Variants in FBN2 observed in about 807,000 individuals in gnomAD.
FBN2 encodes fibrillin 2.
A neutral mutation model predicts 355.6 loss-of-function variants in FBN2; 105 were observed. That is an observed-to-expected ratio of 0.30 (90% confidence interval 0.25 to 0.35). The LOEUF is 0.35. FBN2 is among the 10% of genes least tolerant of loss of function. The pLI, the probability that FBN2 is intolerant of heterozygous loss-of-function variation, is 1.00. For synonymous variants in FBN2, 1,350 were observed against 1,301.2 expected, an observed-to-expected ratio of 1.04 and a Z score of -0.81; for missense variants, 3,280 against 3,758.7, an observed-to-expected ratio of 0.87 and a Z score of 3.33.
chr5:128,308,105 C>T (rs931390625), intron 41 of FBN2, among the ~76,000 whole-genome samples: 6 of 151,958 alleles, frequency 3.9e-5, no homozygotes, highest in Non-Finnish European at 8.8e-5. Flanking sequence ...ATTTATTATT[C>T]CTATTTTATA....
intron 26 of FBN2, 86 bp downstream of exon 26, chr5:128,338,847 G>T: frequency 1.4e-6 from 2 of 1,435,836 alleles, no homozygotes; most frequent in Non-Finnish European, 9.8e-7. Context: ...GCCGTTCACA[G>T]CCCAGAGATA....
chr5:128,500,252 AC>A (rs1755770000), intron 5 of FBN2, among the ~76,000 whole-genome samples: 1 of 151,720 alleles, frequency 6.6e-6, no homozygotes, highest in South Asian at 2.1e-4. Context: ...AACAACAACA[AC>A]AACAACAAAG....
chr5:128,380,089 A>G (rs1220477334), intron 11 of FBN2, among the ~76,000 whole-genome samples: 2 of 152,036 alleles, frequency 1.3e-5, no homozygotes, highest in East Asian at 1.9e-4. Context: ...GAATAACAGG[A>G]CTAAATCCTT....
chr5:128,478,614 A>T (rs894353542), intron 5 of FBN2, among the ~76,000 whole-genome samples: 4 of 152,234 alleles, frequency 2.6e-5, no homozygotes, highest in African/African-American at 9.6e-5. Flanking sequence ...ACAACTGATG[A>T]ATCTGATATG....
At chr5:128,296,785 C>A (rs1308912553) in intron 48 of FBN2, among the ~76,000 whole-genome samples, 3 of 152,084 alleles carry the variant, frequency 2.0e-5, no homozygotes, top group Non-Finnish European at 4.4e-5. Flanking sequence ...TTTCAAAAAA[C>A]CAGCTCCTGG....
chr5:128,266,715 T>C (rs1490170413), intron 62 of FBN2, among the ~76,000 whole-genome samples: 1 of 152,128 alleles, frequency 6.6e-6, no homozygotes, highest in Non-Finnish European at 1.5e-5. Context: ...TGATAGAGAA[T>C]CATTCTTTTG....
intron 5 of FBN2, among the ~76,000 whole-genome samples, chr5:128,510,149 C>T (rs1420102099): frequency 2.0e-5 from 3 of 152,176 alleles, no homozygotes; most frequent in Non-Finnish European, 4.4e-5. Context: ...TTTTCTCACC[C>T]CGTAGCACAG....
chr5:128,378,926 T>A, intron 11 of FBN2, 36 bp from the exon 12 acceptor site: 1 of 1,611,660 alleles, frequency 6.2e-7, no homozygotes, highest in Non-Finnish European at 8.5e-7. Context: ...TAGACTTCAC[T>A]CCATTTGTAG....
chr5:128,395,347 G>C, intron 8 of FBN2, 73 bp from the exon 9 acceptor site: 2 of 1,523,686 alleles, frequency 1.3e-6, no homozygotes, highest in South Asian at 2.3e-5. Flanking sequence ...CTGTACATGA[G>C]ATGAATGTAG....
intron 55 of FBN2, among the ~76,000 whole-genome samples, chr5:128,282,288 T>A (rs1402851597): frequency 6.6e-6 from 1 of 152,146 alleles, no homozygotes; most frequent in Non-Finnish European, 1.5e-5. Flanking sequence ...AACACTTACT[T>A]CAGAAATTTA....
intron 22 of FBN2, among the ~76,000 whole-genome samples, 154 bp from the exon 23 acceptor site, chr5:128,349,626 G>A (rs1224959718): frequency 1.3e-5 from 2 of 152,166 alleles, no homozygotes; most frequent in Non-Finnish European, 2.9e-5. Context: ...CGAGCCACCC[G>A]CTTTCCTAGG....
chr5:128,483,869 T>G (rs1469652501), intron 5 of FBN2, among the ~76,000 whole-genome samples: 1 of 152,110 alleles, frequency 6.6e-6, no homozygotes, highest in Admixed American at 6.5e-5. Flanking sequence ...CTTTATAGAG[T>G]AGACAAATCT....
At chr5:128,286,993 G>A in intron 54 of FBN2, 144 bp from the exon 55 acceptor site, 1 of 872,056 alleles carries the variant, frequency 1.1e-6, no homozygotes, top group Non-Finnish European at 1.8e-6. Flanking sequence ...GTCAGCTGTT[G>A]GCTATATTCC....
chr5:128,300,480 C>T (rs1227072744), intron 48 of FBN2, among the ~76,000 whole-genome samples: 2 of 152,216 alleles, frequency 1.3e-5, no homozygotes, highest in Non-Finnish European at 2.9e-5. Context: ...CCTTTAATAG[C>T]TGTTTTAAAA....
At chr5:128,299,699 C>G (rs1386714740) in intron 48 of FBN2, among the ~76,000 whole-genome samples, 1 of 152,136 alleles carries the variant, frequency 6.6e-6, no homozygotes, top group African/African-American at 2.4e-5. Flanking sequence ...AGTGCATGCA[C>G]CCACTGACCT....
intron 8 of FBN2, among the ~76,000 whole-genome samples, chr5:128,400,691 G>A (rs771857986): frequency 6.6e-5 from 10 of 152,296 alleles, no homozygotes; most frequent in South Asian, 2.1e-4. Context: ...CACAATGTAT[G>A]AAATGAAGTT....
rs1243256384 is a variant in FBN2, at chr5:128,369,195, A to G, written c.2235T>C (p.Pro745=). The G allele has an allele frequency of 6.2e-7, 1 of 1,614,004 alleles. No individual in the cohort carries two copies. Among genetic ancestry groups the G allele is most frequent in the East Asian group, 2.2e-5 (1 of 44,892 alleles). The change falls in exon 16 of 65, where the codon CCT becomes CCC. Residue 745 remains proline, a synonymous_variant. Transcript: ENST00000262464. ...ACATGTGACTACCTGAATTTTTTGC[A>G]GGGCATGGCTGGCAGGGTTCTCCAA... The part of the protein sequence containing the change: ...YGFGEPCQPC[P]AKNSAEFHGL...
At chr5:128,327,779 C>T (rs779443757) in intron 34 of FBN2, among the ~76,000 whole-genome samples, 2 of 152,116 alleles carry the variant, frequency 1.3e-5, no homozygotes, top group Admixed American at 6.6e-5. Context: ...GCTGGGATTA[C>T]AGGCATGAGC....
At chr5:128,403,357 C>T (rs1752848621) in intron 8 of FBN2, among the ~76,000 whole-genome samples, 1 of 152,166 alleles carries the variant, frequency 6.6e-6, no homozygotes, top group Non-Finnish European at 1.5e-5. Context: ...CCTTAGCATG[C>T]TGTGGCACCA....
Sources: gnomAD v4.1 joint callset for allele counts (sites outside exome capture counted in the v4.1 genomes callset) on GRCh38, gnomAD v4.1.1 for gene constraint, MANE v1.5 for transcripts, NCBI Gene and HGNC (gene_info 2026-07-23, HGNC 2026-07-21) for gene names.